The following STK24 variants were observed in gnomAD, a reference collection of about 807,000 sequenced individuals.
STK24 encodes serine/threonine kinase 24.
A neutral mutation model predicts 55.6 loss-of-function variants in STK24; 21 were observed. The ratio of observed to expected loss-of-function variants is 0.38; its 90% CI spans 0.27 to 0.54. STK24 has a LOEUF of 0.54. Among genes scored for constraint, STK24 ranks in the 20% least tolerant of loss-of-function variants. The probability of loss-of-function intolerance (pLI) is 0.79; values close to 1 mark genes in which losing one functional copy is unlikely to be tolerated. For synonymous variants in STK24, 200 were observed against 215.2 expected (o/e 0.93, Z 0.62); for missense variants, 383 against 538.4 (o/e 0.71, Z 2.86).
In STK24 at chr13:98,519,481, G is replaced by A. The variant is rs747259879; in HGVS notation, c.43-8C>T. 17 of 1,610,222 alleles carry A rather than the reference G, an allele frequency of 1.1e-5. 1 individual carries two copies. In the South Asian group the frequency reaches 1.7e-4, roughly 16 times the overall value. The stretch of plus-strand genomic sequence containing the variant: ...TGGGTCTGCCTTTAGGTTCTGTAGA[G>A]AGAAGGAAGAGAAAAGGGAAACTTT... On this transcript the variant is annotated splice_region_variant and splice_polypyrimidine_tract_variant and intron_variant, in intron 1 of 10. Coordinates refer to ENST00000539966, the MANE Select transcript of STK24 (RefSeq NM_001032296.4).
At chr13:98,548,592 T>C (rs1159548280) in intron 1 of STK24, among the ~76,000 whole-genome samples, 5 of 152,188 alleles carry the variant, frequency 3.3e-5, no homozygotes, top group Non-Finnish European at 7.3e-5. Flanking sequence ...CTGGGCACGG[T>C]GGCTCACACC....
intron 3 of STK24, among the ~76,000 whole-genome samples, chr13:98,478,061 G>A (rs1013896895): frequency 1.2e-4 from 19 of 152,180 alleles, no homozygotes; most frequent in African/African-American, 3.9e-4. Context: ...TCCTTTCTGC[G>A]TCAAAATTCA....
chr13:98,551,433 C>T (rs535110895), intron 1 of STK24, among the ~76,000 whole-genome samples: 1 of 152,112 alleles, frequency 6.6e-6, no homozygotes, highest in South Asian at 2.1e-4. Context: ...GACTTGGAAC[C>T]CCCGTCATAC....
chr13:98,568,896 T>C (rs1265452687), intron 1 of STK24, among the ~76,000 whole-genome samples: 1 of 151,674 alleles, frequency 6.6e-6, no homozygotes, highest in African/African-American at 2.4e-5. Flanking sequence ...AAAGAATATT[T>C]GAGGGCCGAT....
chr13:98,507,221 G>C (rs1312197638), intron 2 of STK24, among the ~76,000 whole-genome samples: 6 of 152,228 alleles, frequency 3.9e-5, no homozygotes, highest in African/African-American at 1.2e-4. Context: ...AGGGAATCCG[G>C]TAAGAAAATG....
chr13:98,507,547 TA>T (rs1566375088), intron 2 of STK24, among the ~76,000 whole-genome samples: 1 of 152,260 alleles, frequency 6.6e-6, no homozygotes, highest in African/African-American at 2.4e-5. Context: ...TTTCCAGCTC[TA>T]ATTATCTTTG....
intron 2 of STK24, among the ~76,000 whole-genome samples, chr13:98,508,262 G>C: frequency 6.6e-6 from 1 of 152,154 alleles, no homozygotes; most frequent in East Asian, 1.9e-4. Context: ...AAAACTGATG[G>C]ATTAACTACA....
At chr13:98,499,817 G>A (rs562395503) in intron 2 of STK24, among the ~76,000 whole-genome samples, 49 of 152,272 alleles carry the variant, frequency 3.2e-4, no homozygotes, top group Non-Finnish European at 6.3e-4. Context: ...CACTCCCAAC[G>A]GTGACTGACT....
chr13:98,537,318 G>T (rs1316244117), intron 1 of STK24, among the ~76,000 whole-genome samples: 1 of 152,206 alleles, frequency 6.6e-6, no homozygotes, highest in Non-Finnish European at 1.5e-5. Flanking sequence ...TCTGGAGTGG[G>T]GCCTTCCCCC....
intron 2 of STK24, among the ~76,000 whole-genome samples, chr13:98,500,002 T>C (rs570671739): frequency 2.3e-4 from 35 of 152,362 alleles, no homozygotes; most frequent in Admixed American, 7.8e-4. Flanking sequence ...GTTCAGCTCC[T>C]GTGATGTGCG....
intron 2 of STK24, among the ~76,000 whole-genome samples, chr13:98,514,824 T>C (rs1386153666): frequency 6.6e-6 from 1 of 152,206 alleles, no homozygotes; most frequent in Non-Finnish European, 1.5e-5. Context: ...CTTGTGAATT[T>C]TGAGTCTGTT....
At chr13:98,464,495 CTTT>C (rs551373383) in intron 6 of STK24, among the ~76,000 whole-genome samples, 14 of 106,770 alleles carry the variant, frequency 1.3e-4, no homozygotes, top group African/African-American at 2.0e-4. Context: ...TGTTGTTTAA[CTTT>C]TTTTTTTTTT....
Position 98,475,278 on chromosome 13 carries a change from C to T in STK24, c.411G>A (p.Ser137=), listed in dbSNP as rs781024030. Residue 137 remains serine, a synonymous_variant, in exon 4 of 11, where the codon TCG becomes TCA. Transcript: ENST00000539966. Reference sequence around the variant, plus strand: ...TAATGTCTCTGTGGATTTTCTTCTCCGAATGGAGATAATCGAGTCCTTTCA... The same window carrying T: ...TAATGTCTCTGTGGATTTTCTTCTCTGAATGGAGATAATCGAGTCCTTTCA... The part of the protein sequence containing the change: ...EILKGLDYLH[S]EKKIHRDIKA... The T allele has an allele frequency of 1.4e-5, 23 of 1,612,314 alleles. No homozygotes were observed. Among genetic ancestry groups the T allele is most frequent in the Non-Finnish European group, 1.7e-5 (20 of 1,179,242 alleles).
chr13:98,559,844 A>G (rs550346957), intron 1 of STK24, among the ~76,000 whole-genome samples: 25 of 152,016 alleles, frequency 1.6e-4, no homozygotes, highest in African/African-American at 5.8e-4. Flanking sequence ...CATATCACTG[A>G]AAGGAAAAAA....
At chr13:98,523,178 C>T (rs115218701) in intron 1 of STK24, among the ~76,000 whole-genome samples, 16 of 152,300 alleles carry the variant, frequency 1.1e-4, no homozygotes, top group Admixed American at 1.0e-3. Flanking sequence ...CAGGCTGGGA[C>T]AGGAGGCCAA....
intron 2 of STK24, among the ~76,000 whole-genome samples, chr13:98,511,405 TAAAC>T (rs1895873103): frequency 6.6e-6 from 1 of 152,186 alleles, no homozygotes; most frequent in Admixed American, 6.5e-5. Context: ...TCTGGAAAAT[TAAAC>T]AGACATTAAA....
intron 2 of STK24, among the ~76,000 whole-genome samples, chr13:98,516,780 T>C (rs893555285): frequency 6.6e-6 from 1 of 152,160 alleles, no homozygotes; most frequent in Non-Finnish European, 1.5e-5. Flanking sequence ...GGGCAACCAG[T>C]GAGGAAGAGA....
chr13:98,446,842 G>A lies in STK24; in HGVS notation c.*6331C>T, dbSNP rs1369868125. 1.5e-5 allele frequency: 24 copies of A among 1,612,898 alleles called. No individual in the cohort carries two copies. In the East Asian group the frequency reaches 4.0e-4, roughly 27 times the overall value. The stretch of plus-strand genomic sequence containing the variant: ...GGTAGACACCCCCTTCCCACGCACA[G>A]GGCCCTGCAGAAGAGGACCCCCTCT... On this transcript the variant is annotated 3_prime_UTR_variant, in exon 11 of 11. Coordinates refer to ENST00000539966, the MANE Select transcript of STK24 (RefSeq NM_001032296.4).
chr13:98,531,631 G>A (rs879423714), intron 1 of STK24, among the ~76,000 whole-genome samples: 5 of 152,288 alleles, frequency 3.3e-5, no homozygotes, highest in Admixed American at 6.5e-5. Context: ...AGAAGTTTAA[G>A]GTCAGGACTA....
Sources: allele counts gnomAD v4.1 joint callset (sites outside exome capture counted in the v4.1 genomes callset), GRCh38; gene constraint gnomAD v4.1.1; transcripts MANE v1.5; gene names NCBI Gene and HGNC (gene_info 2026-07-23, HGNC 2026-07-21).